MPDZ: variants seen among roughly 807,000 people sequenced by gnomAD.
MPDZ encodes multiple PDZ domain protein.
A neutral mutation model predicts 239.1 loss-of-function variants in MPDZ; 234 were observed. The ratio of observed to expected loss-of-function variants is 0.98; its 90% confidence interval spans 0.88 to 1.09. MPDZ has a LOEUF of 1.09. Ranked by LOEUF, MPDZ falls within the 50% of genes least tolerant of loss-of-function variation. The pLI is 0.00. For missense variants in MPDZ, 3,175 were observed against 2,510.0 expected (o/e 1.26, Z -5.66); for synonymous variants, 1,048 against 881.3 (o/e 1.19, Z -3.35).
intron 24 of MPDZ, among the ~76,000 whole-genome samples, chr9:13,151,480 A>G (rs1207195230): frequency 1.3e-5 from 2 of 152,164 alleles, no homozygotes; most frequent in Non-Finnish European, 2.9e-5. Context: ...GAAACATACC[A>G]TAATATGAAT....
In MPDZ at chr9:13,236,225, G is replaced by A. The variant is rs1384911230; in HGVS notation, c.183+11410C>T. ...TGTGTGTGTGTGTGTGTGTGTGTGTGTATATGTATATGTGTGTGTGTGTGT... is the reference window on the plus strand; with the variant it reads ...TGTGTGTGTGTGTGTGTGTGTGTGTATATATGTATATGTGTGTGTGTGTGT... On this transcript the variant is annotated intron_variant, in intron 3 of 46. Coordinates refer to ENST00000319217, the MANE Select transcript of MPDZ (RefSeq NM_001378778.1). Among the ~76,000 whole-genome samples the A allele has an allele frequency of 6.7e-3, 516 of 76,740 alleles. 9 individuals are homozygous for A. Among genetic ancestry groups the A allele is most frequent in the African/African-American group, 0.022 (467 of 20,918 alleles). 50.3% of individuals were successfully genotyped at this position (76,740 alleles called of 152,430 possible).
chr9:13,246,896 A>G (rs541404817), intron 3 of MPDZ, among the ~76,000 whole-genome samples: 101 of 152,354 alleles, frequency 6.6e-4, no homozygotes, highest in African/African-American at 2.2e-3. Context: ...TGAAGATAAC[A>G]TTTTTTAAAT....
chr9:13,112,095 G>A lies in MPDZ; in HGVS notation c.5653C>T (p.Leu1885Phe), dbSNP rs372542783. The stretch of plus-strand genomic sequence containing the variant: ...GCAATAAATATAGGCACATCACCAA[G>A]TGGGCTGCCTACTCCTCCAGCGATG... ...ISIAGGVGSP[L>F]GDVPIFIAMM... The change falls in exon 43 of 47, where the codon CTT (leucine) becomes TTT (phenylalanine). Residue 1885 changes from leucine (L) to phenylalanine (F), a missense_variant. Physicochemically the swap from Leu to Phe is conservative, Grantham distance 22 (BLOSUM62 0). Transcript: ENST00000319217. 1.6e-5 allele frequency: 26 copies of A among 1,613,506 alleles called. No homozygotes were observed. The African/African-American group carries it at 1.7e-4, about 11-fold the overall frequency.
At chr9:13,141,881 A>G (rs1436415895) in intron 27 of MPDZ, among the ~76,000 whole-genome samples, 2 of 152,128 alleles carry the variant, frequency 1.3e-5, no homozygotes, top group Admixed American at 6.6e-5. Flanking sequence ...CAAACAGATA[A>G]AAGTTACTAA....
chr9:13,179,867 G>C (rs936118963), intron 19 of MPDZ, among the ~76,000 whole-genome samples: 1 of 152,202 alleles, frequency 6.6e-6, no homozygotes, highest in Middle Eastern at 3.4e-3. Context: ...AAATACACGA[G>C]CATTTAATAG....
At chr9:13,166,951 G>C (rs984786647) in intron 22 of MPDZ, among the ~76,000 whole-genome samples, 2 of 152,138 alleles carry the variant, frequency 1.3e-5, no homozygotes, top group African/African-American at 4.8e-5. Flanking sequence ...TTAGAACTGA[G>C]TGGTAGGGCT....
intron 19 of MPDZ, among the ~76,000 whole-genome samples, chr9:13,178,266 A>AC (rs2134266582): frequency 6.6e-6 from 1 of 151,966 alleles, no homozygotes; most frequent in Admixed American, 6.6e-5. Context: ...CTCAAAAAAA[A>AC]AAAAAAAAAA....
intron 19 of MPDZ, 117 bp downstream of exon 19, chr9:13,183,301 A>G: frequency 1.3e-6 from 1 of 790,026 alleles, no homozygotes. Flanking sequence ...TGAATCCACA[A>G]CTGGAGAAAC....
intron 1 of MPDZ, among the ~76,000 whole-genome samples, chr9:13,278,831 C>G (rs956377928): frequency 6.6e-6 from 1 of 152,004 alleles, no homozygotes; most frequent in Admixed American, 6.5e-5. Flanking sequence ...TGCCCACTCT[C>G]TACCGCAACC....
chr9:13,184,881 C>T (rs1406218285), intron 18 of MPDZ, among the ~76,000 whole-genome samples: 1 of 151,774 alleles, frequency 6.6e-6, no homozygotes, highest in Non-Finnish European at 1.5e-5. Flanking sequence ...AGGAGAAGAC[C>T]CAGGACGCAT....
At position 13,175,786 on chromosome 9, in the gene MPDZ, C is replaced by T; in HGVS notation, c.3021G>A (p.Arg1007=). 6.4e-7 allele frequency: 1 copy of T among 1,572,992 alleles called. No homozygotes were observed. Among genetic ancestry groups the T allele is most frequent in the South Asian group, 1.2e-5 (1 of 85,638 alleles). The change falls in exon 21 of 47, where the codon AGG becomes AGA. Residue 1007 remains arginine (R), a synonymous_variant. Transcript: ENST00000319217. ...LQNVSKESFE[R]TINIAKGNSS... ...AATTGCCTTTTGCTATATTAATAGT[C>T]CTTTCAAAAGATTCTTTAGATACAT...
Position 13,109,040 on chromosome 9 carries a change from T to A in MPDZ, c.5962A>T (p.Ile1988Phe), listed in dbSNP as rs754448147. 3 of 1,537,474 alleles carry A rather than the reference T, an allele frequency of 2.0e-6. No homozygotes were observed. In the East Asian group the frequency reaches 7.1e-5, roughly 37 times the overall value. ...DDLGPPQCKSITLERGPDGLG... is the reference protein window; with the variant it reads ...DDLGPPQCKSFTLERGPDGLG... Reference sequence around the variant, plus strand: ...CCATCTGGTCCTCGCTCTAGTGTAATAGACTTACATTGAGGAGGTCTACGG... The same window carrying A: ...CCATCTGGTCCTCGCTCTAGTGTAAAAGACTTACATTGAGGAGGTCTACGG... Residue 1988 changes from isoleucine to phenylalanine, a missense_variant, in exon 46 of 47, where the codon ATT becomes TTT. Ile to Phe is a conservative substitution (Grantham distance 21). Coordinates refer to ENST00000319217, the MANE Select transcript of MPDZ (RefSeq NM_001378778.1).
intron 13 of MPDZ, among the ~76,000 whole-genome samples, 179 bp downstream of exon 13, chr9:13,195,942 A>G (rs1955582351): frequency 6.6e-6 from 1 of 152,152 alleles, no homozygotes; most frequent in African/African-American, 2.4e-5. Context: ...TCGTTACTAT[A>G]TACCTTTCTC....
intron 1 of MPDZ, among the ~76,000 whole-genome samples, chr9:13,273,009 T>TAATGAATGGGA (rs1250710307): frequency 6.6e-6 from 1 of 152,138 alleles, no homozygotes; most frequent in Non-Finnish European, 1.5e-5. Flanking sequence ...GGCAGAGTTC[T>TAATGAATGGGA]AATGAATGGG....
chr9:13,227,772 T>G (rs995771469), intron 3 of MPDZ, among the ~76,000 whole-genome samples: 52 of 152,134 alleles, frequency 3.4e-4, no homozygotes, highest in African/African-American at 1.2e-3. Context: ...TTGAGGAAGG[T>G]CAATGACTCC....
chr9:13,162,859 G>A lies in MPDZ; in HGVS notation c.3255-64C>T, dbSNP rs1587405753. ...ATATTTTGCCTAATTGTTAGGAAAAGCTTCTAAAATAAAGGAAACAAATCA... is the reference window on the plus strand; with the variant it reads ...ATATTTTGCCTAATTGTTAGGAAAAACTTCTAAAATAAAGGAAACAAATCA... On this transcript the variant is annotated intron_variant, in intron 22 of 46. Coordinates refer to ENST00000319217, the MANE Select transcript of MPDZ (RefSeq NM_001378778.1). The A allele has an allele frequency of 4.5e-6, 5 of 1,111,882 alleles. No individual in the cohort carries two copies. In the East Asian group the frequency reaches 1.2e-4, roughly 27 times the overall value. The allele number at this position is 1,111,882 out of a possible 1,614,324, so 68.9% of individuals were successfully genotyped here. A position where few individuals can be genotyped will look rare whatever the true frequency, so the allele number is the denominator to read the frequency against.
rs1958813713 is a variant in MPDZ, at chr9:13,219,575, G to A, written c.1070C>T (p.Ser357Leu). 1.2e-6 allele frequency: 2 copies of A among 1,611,862 alleles called. No individual in the cohort carries two copies. Among genetic ancestry groups the A allele is most frequent in the Middle Eastern group, 1.7e-4 (1 of 6,044 alleles). ...LGITLSSSPT[S>L]TPELRVDAST... is the part of the protein sequence containing the mutation. ...ACTACTTACCCGCAACTCTGGTGTT[G>A]AAGTTGGGGATGAGGAGAGGGTGAT... Residue 357 changes from serine (S) to leucine (L), a missense_variant, in exon 8 of 47, where the codon TCA (serine) becomes TTA (leucine). Coordinates refer to ENST00000319217, the MANE Select transcript of MPDZ (RefSeq NM_001378778.1).
At chr9:13,141,376 C>G (rs1181713006) in intron 27 of MPDZ, among the ~76,000 whole-genome samples, 3 of 152,206 alleles carry the variant, frequency 2.0e-5, no homozygotes, top group South Asian at 2.1e-4. Flanking sequence ...ATCCAGTGCA[C>G]TTTCCATTAT....
intron 1 of MPDZ, among the ~76,000 whole-genome samples, chr9:13,257,360 C>G (rs370465772): frequency 6.6e-6 from 1 of 152,128 alleles, no homozygotes; most frequent in Non-Finnish European, 1.5e-5. Flanking sequence ...AGGTCAAGGT[C>G]TTACTCAAGG....
Sources: gnomAD v4.1 joint callset for allele counts (sites outside exome capture counted in the v4.1 genomes callset) on GRCh38, gnomAD v4.1.1 for gene constraint, MANE v1.5 for transcripts, NCBI Gene and HGNC (gene_info 2026-07-23, HGNC 2026-07-21) for gene names.